Variants in PPP6R3 observed in about 807,000 individuals in gnomAD.
The protein encoded by PPP6R3 is protein phosphatase 6 regulatory subunit 3, also known as serine/threonine-protein phosphatase 6 regulatory subunit 3.
PPP6R3 carries 38 observed loss-of-function variants against 110.7 expected under a neutral mutation model. That is an observed-to-expected ratio of 0.34 (90% CI 0.26 to 0.45). The LOEUF (loss-of-function observed/expected upper bound fraction) is 0.45. Among genes scored for constraint, PPP6R3 ranks in the 20% least tolerant of loss-of-function variants. The pLI is 1.00. For missense variants in PPP6R3, 870 were observed against 1,062.4 expected (o/e 0.82, Z 2.52); for synonymous variants, 369 against 373.5 (o/e 0.99, Z 0.14).
chr11:68,492,281 C>T (rs886964585), intron 1 of PPP6R3, among the ~76,000 whole-genome samples: 4 of 152,134 alleles, frequency 2.6e-5, no homozygotes, highest in South Asian at 4.2e-4. Context: ...CTCAACCTCC[C>T]TAGTAGTTGG....
intron 16 of PPP6R3, among the ~76,000 whole-genome samples, chr11:68,589,052 CA>C (rs2099587722): frequency 6.6e-6 from 1 of 151,810 alleles, no homozygotes; most frequent in East Asian, 1.9e-4. Flanking sequence ...ACTAAAAATA[CA>C]AAAACAATAG....
At position 68,466,586 on chromosome 11, in the gene PPP6R3, C is replaced by T. The variant is rs145867019; in HGVS notation, c.-158+5759C>T. On this transcript the variant is annotated intron_variant, in intron 1 of 23. Transcript: ENST00000393800. ...CCCCAGTAGCTGGGACTACAGGGGC[C>T]GGCCACCATGCCCGGCTAATTTTTT... is the stretch of plus-strand genomic sequence containing the variant. Among the ~76,000 whole-genome samples, 1,038 of 151,662 alleles carry T rather than the reference C, an allele frequency of 6.8e-3. 13 individuals are homozygous for T. Among genetic ancestry groups the T allele is most frequent in the African/African-American group, 0.024 (986 of 41,292 alleles).
At chr11:68,496,976 T>C (rs1166710246) in intron 1 of PPP6R3, among the ~76,000 whole-genome samples, 2 of 144,394 alleles carry the variant, frequency 1.4e-5, no homozygotes, top group Admixed American at 7.0e-5. Flanking sequence ...GTTCTCTTGC[T>C]TCAACCTCGC....
Position 68,551,158 on chromosome 11 carries a change from A to C in PPP6R3, c.590A>C (p.Glu197Ala). 6.2e-7 allele frequency: 1 copy of C among 1,611,618 alleles called. No individual in the cohort carries two copies. Among genetic ancestry groups the C allele is most frequent in the South Asian group, 1.1e-5 (1 of 90,810 alleles). ...NEEKIIQRLV[E>A]IVHPSQEEDR... is the part of the protein sequence containing the mutation. ...GAGAAAATTATCCAGAGGCTTGTGG[A>C]AATAGTTCATCCATCGCAAGAAGAA... The change falls in exon 6 of 24, where the codon GAA becomes GCA. Residue 197 changes from glutamate to alanine, a missense_variant. Glu to Ala is a moderately radical substitution (Grantham distance 107). Transcript: ENST00000393800.
chr11:68,470,346 C>T (rs939545900), intron 1 of PPP6R3, among the ~76,000 whole-genome samples: 5 of 151,598 alleles, frequency 3.3e-5, no homozygotes, highest in Non-Finnish European at 7.4e-5. Flanking sequence ...GCATTATAGG[C>T]GGAGGGTCAG....
intron 20 of PPP6R3, among the ~76,000 whole-genome samples, chr11:68,601,621 C>G (rs951093617): frequency 1.3e-5 from 2 of 152,212 alleles, no homozygotes; most frequent in Non-Finnish European, 2.9e-5. Flanking sequence ...GAATGCTTTA[C>G]AAAGTCCCTG....
intron 1 of PPP6R3, among the ~76,000 whole-genome samples, chr11:68,469,466 C>G (rs2098773519): frequency 6.6e-6 from 1 of 151,982 alleles, no homozygotes; most frequent in South Asian, 2.1e-4. Context: ...ACTGACCTCC[C>G]TGGCTGAAAC....
chr11:68,477,741 A>AAAAAAAATATATATATATATAT, intron 1 of PPP6R3, among the ~76,000 whole-genome samples: 1 of 57,908 alleles, frequency 1.7e-5, no homozygotes, highest in South Asian at 6.0e-4. Flanking sequence ...AAAAAAAAAA[A>AAAAAAAATATATATATATATAT]ATATATATAT....
At chr11:68,516,138 T>C (rs953629299) in intron 1 of PPP6R3, among the ~76,000 whole-genome samples, 6 of 152,238 alleles carry the variant, frequency 3.9e-5, no homozygotes, top group Admixed American at 3.9e-4. Context: ...TTATGGTTCA[T>C]CTACATTGTA....
chr11:68,608,882 G>A (rs1208689750), intron 22 of PPP6R3, among the ~76,000 whole-genome samples: 2 of 152,152 alleles, frequency 1.3e-5, no homozygotes, highest in African/African-American at 2.4e-5. Context: ...GAATGGGGAT[G>A]AAGAAGAGTA....
chr11:68,461,556 C>T (rs2098708080), intron 1 of PPP6R3, among the ~76,000 whole-genome samples: 1 of 152,016 alleles, frequency 6.6e-6, no homozygotes, highest in South Asian at 2.1e-4. Context: ...AGCCCATTCA[C>T]TGTTTACTTG....
chr11:68,498,911 T>C (rs768305361), intron 1 of PPP6R3, among the ~76,000 whole-genome samples: 1 of 152,190 alleles, frequency 6.6e-6, no homozygotes, highest in Non-Finnish European at 1.5e-5. Context: ...TGTACCAAAT[T>C]AGGCTTCCAT....
chr11:68,593,402 A>G (rs906612051), intron 18 of PPP6R3, among the ~76,000 whole-genome samples: 3 of 152,182 alleles, frequency 2.0e-5, no homozygotes, highest in African/African-American at 7.2e-5. Flanking sequence ...TATTCCATTA[A>G]GAGGATACAC....
intron 8 of PPP6R3, among the ~76,000 whole-genome samples, chr11:68,564,036 G>C (rs1377451977): frequency 1.3e-5 from 2 of 152,068 alleles, no homozygotes; most frequent in Non-Finnish European, 2.9e-5. Context: ...CTGTATAATA[G>C]TTATGAAGAC....
chr11:68,504,789 G>A (rs1033573250), intron 1 of PPP6R3, among the ~76,000 whole-genome samples: 1 of 152,136 alleles, frequency 6.6e-6, no homozygotes, highest in African/African-American at 2.4e-5. Flanking sequence ...CCAGCTACAC[G>A]CACCTGACTG....
Position 68,609,886 on chromosome 11 carries a change from T to C in PPP6R3, c.2451-18T>C. 6.2e-7 allele frequency: 1 copy of C among 1,613,776 alleles called. No individual in the cohort carries two copies. Among genetic ancestry groups the C allele is most frequent in the Non-Finnish European group, 8.5e-7 (1 of 1,179,766 alleles). On this transcript the variant is annotated intron_variant, in intron 22 of 23. Transcript: ENST00000393800. ...GTCCCTAGGGTGTTTGATGTGCCTGTCATCCTCTTTACTGCAGTGAGGAAG... is the reference window on the plus strand; with the variant it reads ...GTCCCTAGGGTGTTTGATGTGCCTGCCATCCTCTTTACTGCAGTGAGGAAG...
At chr11:68,595,384 T>C (rs751023128) in intron 18 of PPP6R3, among the ~76,000 whole-genome samples, 118 of 151,778 alleles carry the variant, frequency 7.8e-4, no homozygotes, top group Admixed American at 1.8e-3. Flanking sequence ...CCCAGCTAAT[T>C]TTTGTATTTT....
chr11:68,537,983 G>A, intron 3 of PPP6R3, 92 bp downstream of exon 3: 1 of 983,834 alleles, frequency 1.0e-6, no homozygotes, highest in Non-Finnish European at 1.5e-6. Context: ...CAGTGTGACT[G>A]TTGCCATTTA....
chr11:68,585,749 A>G (rs748202585), intron 15 of PPP6R3, among the ~76,000 whole-genome samples: 2 of 152,182 alleles, frequency 1.3e-5, no homozygotes, highest in Non-Finnish European at 2.9e-5. Flanking sequence ...TATTGCATGG[A>G]AGTTACTAGT....
Sources: gnomAD v4.1 joint callset for allele counts (sites outside exome capture counted in the v4.1 genomes callset) on GRCh38, gnomAD v4.1.1 for gene constraint, MANE v1.5 for transcripts, NCBI Gene and HGNC (gene_info 2026-07-23, HGNC 2026-07-21) for gene names.